SLC25A36: variants seen among roughly 807,000 people sequenced by gnomAD.
SLC25A36 encodes epididymis secretory sperm binding protein.
In SLC25A36, 24 loss-of-function variants were observed where a neutral mutation model predicts 35.3. The observed-to-expected ratio is 0.68, with a 90% confidence interval of 0.49 to 0.96. The LOEUF (loss-of-function observed/expected upper bound fraction) is 0.96, where lower values mean the gene tolerates loss of function less well. Among genes scored for constraint, SLC25A36 ranks in the 40% least tolerant of loss-of-function variants. The pLI is 0.00. For synonymous variants in SLC25A36, 141 were observed against 132.2 expected, an observed-to-expected ratio of 1.07 and a Z score of -0.46; for missense variants, 294 against 381.1, an observed-to-expected ratio of 0.77 and a Z score of 1.90.
chr3:140,963,080 T>TA (rs774831264), intron 3 of SLC25A36, 47 bp from the exon 4 acceptor site: 10 of 1,174,580 alleles, frequency 8.5e-6, no homozygotes, highest in Middle Eastern at 2.0e-4. Context: ...ATGTAAATCT[T>TA]ACGCATTAAG....
chr3:140,950,093 A>G (rs1330122488), intron 1 of SLC25A36, among the ~76,000 whole-genome samples: 1 of 151,914 alleles, frequency 6.6e-6, no homozygotes, highest in Non-Finnish European at 1.5e-5. Context: ...TTTTCTTTAC[A>G]TCCTCTCAAT....
intron 1 of SLC25A36, among the ~76,000 whole-genome samples, chr3:140,945,117 C>G (rs1934127991): frequency 1.3e-5 from 2 of 152,136 alleles, no homozygotes; most frequent in Non-Finnish European, 2.9e-5. Flanking sequence ...AAAGCAGTAA[C>G]AGGTTTTTTG....
intron 6 of SLC25A36, among the ~76,000 whole-genome samples, chr3:140,974,797 A>G (rs545912804): frequency 3.0e-4 from 45 of 152,282 alleles, no homozygotes; most frequent in African/African-American, 1.1e-3. Flanking sequence ...TTATATCAGG[A>G]AAAATGAGCC....
rs1197827484 is a variant in SLC25A36, at chr3:140,977,124, A to T, written c.*671A>T. 6.6e-6 allele frequency: 1 copy of T among 152,206 alleles called. No homozygotes were observed. Among genetic ancestry groups the T allele is most frequent in the Admixed American group, 6.6e-5 (1 of 15,266 alleles). The allele number at this position is 152,206 out of a possible 1,614,324, so 9.4% of individuals were successfully genotyped here. ...ACATGGTAATAGTTTGGGACAAAAT[A>T]ACTAGTAAAATGTTGATTTCTCGGC... is the stretch of plus-strand genomic sequence containing the variant. On this transcript the variant is annotated 3_prime_UTR_variant, in exon 7 of 7. Transcript: ENST00000324194.
intron 3 of SLC25A36, among the ~76,000 whole-genome samples, chr3:140,960,974 G>A (rs991518912): frequency 6.6e-6 from 1 of 152,132 alleles, no homozygotes; most frequent in Admixed American, 6.5e-5. Flanking sequence ...ACATAACTTC[G>A]TCATTTTTCT....
Position 140,973,917 on chromosome 3 carries a change from G to A in SLC25A36, c.654G>A (p.Glu218=). 1.2e-6 allele frequency: 2 copies of A among 1,611,710 alleles called. No individual in the cohort carries two copies. The highest frequency in any genetic ancestry group is 1.7e-6 in the Non-Finnish European group (2 of 1,178,560). ...CTTCTACAATGGAAAATGATGAAGA[G>A]TCTGTGAAAGAAGCATCAGATTTTG... ...KTASTMENDE[E]SVKEASDFVG... Residue 218 remains glutamate, a synonymous_variant, in exon 6 of 7, where the codon GAG becomes GAA. Transcript: ENST00000324194.
At chr3:140,976,055 A>T (rs572455381) in intron 6 of SLC25A36, among the ~76,000 whole-genome samples, 1 of 152,292 alleles carries the variant, frequency 6.6e-6, no homozygotes, top group South Asian at 2.1e-4. Flanking sequence ...AAGACTATAA[A>T]GTCTATAATT....
rs10662120 is a variant in SLC25A36 at position 140,975,097 on chromosome 3, C to CTTTTTTTTTTTTTTTTTT, written c.742+1105_742+1122dup. On this transcript the variant is annotated intron_variant, in intron 6 of 6. Coordinates refer to ENST00000324194, the MANE Select transcript of SLC25A36 (RefSeq NM_001104647.3). ...GTACAGTTGATAAACAAGATACATT[C>CTTTTTTTTTTTTTTTTTT]TTTTTTTTTTTTTTTTTTTTTTTTT... Among the ~76,000 whole-genome samples, 32 of 55,222 alleles carry CTTTTTTTTTTTTTTTTTT rather than the reference C, an allele frequency of 5.8e-4. 9 individuals are homozygous for CTTTTTTTTTTTTTTTTTT. Among genetic ancestry groups the CTTTTTTTTTTTTTTTTTT allele is most frequent in the Non-Finnish European group, 9.9e-4 (28 of 28,238 alleles). 36.2% of individuals were successfully genotyped at this position (55,222 alleles called of 152,430 possible). A position where few individuals can be genotyped will look rare whatever the true frequency, so the allele number is the denominator to read the frequency against.
At chr3:140,966,115 G>A (rs1260608892) in intron 4 of SLC25A36, 2 of 151,954 alleles carry the variant, frequency 1.3e-5, no homozygotes, top group Non-Finnish European at 2.9e-5. Flanking sequence ...ATACGTAGTG[G>A]GTTTTATTTG....
chr3:140,968,030 G>T (rs1445403087), intron 4 of SLC25A36: 5 of 984,860 alleles, frequency 5.1e-6, no homozygotes, highest in Non-Finnish European at 4.8e-6. Flanking sequence ...ATCTTTGTGT[G>T]TGTTTGTCAT....
intron 1 of SLC25A36, among the ~76,000 whole-genome samples, chr3:140,943,145 G>T (rs1171277530): frequency 6.6e-6 from 1 of 152,126 alleles, no homozygotes; most frequent in African/African-American, 2.4e-5. Context: ...TTATTTGGAG[G>T]ATTATAAAGA....
At position 140,976,544 on chromosome 3, in the gene SLC25A36, A is replaced by G. The variant is rs918637610; in HGVS notation, c.*91A>G. 8.8e-7 allele frequency: 1 copy of G among 1,139,982 alleles called. No homozygotes were observed. The highest frequency in any genetic ancestry group is 1.6e-5 in the African/African-American group (1 of 64,426). 70.6% of individuals were successfully genotyped at this position (1,139,982 alleles called of 1,614,324 possible). On this transcript the variant is annotated 3_prime_UTR_variant, in exon 7 of 7. Transcript: ENST00000324194. ...GAAGCCAGCATGGCAGACAGAAGAA[A>G]AATAGTTTGGGAACATGTAACTATT...
Position 140,959,512 on chromosome 3 carries a change from C to A in SLC25A36, c.256C>A (p.Pro86Thr). The change falls in exon 3 of 7, where the codon CCC becomes ACC. Residue 86 changes from proline to threonine, a missense_variant. Transcript: ENST00000324194. The stretch of plus-strand genomic sequence containing the variant: ...TCGTTCCTTGTTTAGAGGACTAGGC[C>A]CCAATTTAGTGGGGGTAGCCCCTTC... Reference protein sequence around the residue: ...GPRSLFRGLGPNLVGVAPSRA... With the variant: ...GPRSLFRGLGTNLVGVAPSRA... The A allele has an allele frequency of 6.7e-7, 1 of 1,498,920 alleles. No individual in the cohort carries two copies. The highest frequency in any genetic ancestry group is 8.8e-7 in the Non-Finnish European group (1 of 1,135,094). The allele number at this position is 1,498,920 out of a possible 1,614,324, so 92.9% of individuals were successfully genotyped here. A position where few individuals can be genotyped will look rare whatever the true frequency, so the allele number is the denominator to read the frequency against.
intron 1 of SLC25A36, among the ~76,000 whole-genome samples, chr3:140,946,168 T>C (rs544278570): frequency 6.6e-6 from 1 of 152,270 alleles, no homozygotes; most frequent in African/African-American, 2.4e-5. Flanking sequence ...TAGAAGGCAT[T>C]AAGTGCTGTG....
chr3:140,963,448 T>G, intron 4 of SLC25A36: 1 of 406,692 alleles, frequency 2.5e-6, no homozygotes, highest in East Asian at 5.3e-5. Flanking sequence ...AAGTAATATA[T>G]TTATATTGCC....
At chr3:140,958,834 A>G (rs1934547372) in intron 2 of SLC25A36, among the ~76,000 whole-genome samples, 1 of 152,124 alleles carries the variant, frequency 6.6e-6, no homozygotes, top group Non-Finnish European at 1.5e-5. Flanking sequence ...TATGAAAATA[A>G]TGTAGAACTC....
intron 1 of SLC25A36, among the ~76,000 whole-genome samples, chr3:140,944,170 T>A (rs745729148): frequency 1.3e-4 from 20 of 152,240 alleles, no homozygotes; most frequent in Non-Finnish European, 2.4e-4. Context: ...GAGTAACCTT[T>A]CACAGAGTAT....
chr3:140,973,015 T>A (rs1450335425), intron 5 of SLC25A36: 1 of 152,200 alleles, frequency 6.6e-6, no homozygotes, highest in East Asian at 1.9e-4. Context: ...GTAGGAGATG[T>A]TGTATTCTAT....
At chr3:140,974,134 T>C (rs1934977179) in intron 6 of SLC25A36, 129 bp downstream of exon 6, 3 of 627,192 alleles carry the variant, frequency 4.8e-6, no homozygotes, top group South Asian at 2.4e-5. Context: ...CATAATGAGA[T>C]TAAATCTGGT....
Sources: allele counts gnomAD v4.1 joint callset (sites outside exome capture counted in the v4.1 genomes callset), GRCh38; gene constraint gnomAD v4.1.1; transcripts MANE v1.5; gene names NCBI Gene and HGNC (gene_info 2026-07-23, HGNC 2026-07-21).